The following PCDHGA4 variants were observed in gnomAD, a reference collection of about 807,000 sequenced individuals.
The protein encoded by PCDHGA4 is protocadherin gamma subfamily A, 4.
A neutral mutation model predicts 54.6 loss-of-function variants in PCDHGA4; 38 were observed. The observed-to-expected ratio is 0.70, with a 90% CI of 0.54 to 0.91. The LOEUF (loss-of-function observed/expected upper bound fraction) is 0.91. PCDHGA4 is among the 40% of genes least tolerant of loss of function. The probability of loss-of-function intolerance (pLI) is 0.00; values close to 1 mark genes in which losing one functional copy is unlikely to be tolerated. For synonymous variants in PCDHGA4, 511 were observed against 512.9 expected (o/e 1.00, Z 0.05); for missense variants, 1,298 against 1,220.9 (o/e 1.06, Z -0.94).
chr5:141,503,307 G>T (rs1042228003), intron 2 of PCDHGA4, among the ~76,000 whole-genome samples: 5 of 152,096 alleles, frequency 3.3e-5, no homozygotes, highest in African/African-American at 1.2e-4. Context: ...GCTCAAGAAA[G>T]AATTGTTGGA....
intron 1 of PCDHGA4, chr5:141,371,963 G>A: frequency 6.2e-7 from 1 of 1,613,264 alleles, no homozygotes; most frequent in Non-Finnish European, 8.5e-7. Context: ...TCGACCACGA[G>A]CAGCTGCGTG....
chr5:141,489,150 TAA>T lies in PCDHGA4; in HGVS notation c.2515-5656_2515-5655del. 1.2e-6 allele frequency: 1 copy of T among 862,654 alleles called. No homozygotes were observed. Among genetic ancestry groups the T allele is most frequent in the Non-Finnish European group, 1.7e-6 (1 of 575,074 alleles). The allele number at this position is 862,654 out of a possible 1,614,324, so 53.4% of individuals were successfully genotyped here. On this transcript the variant is annotated intron_variant, in intron 1 of 3. Coordinates refer to ENST00000571252, the MANE Select transcript of PCDHGA4 (RefSeq NM_018917.4). This position sits in a 1 kb window ranked among gnomAD's most constrained non-coding sequence, Gnocchi z 4.5. ...GTTTTTAAGAGGCTGGAAGGAGACA[TAA>T]GAGACTTCAGCTGCTGCATTCCAAG... is the stretch of plus-strand genomic sequence containing the variant.
At chr5:141,364,262 C>A (rs899975548) in intron 1 of PCDHGA4, 3 of 1,504,192 alleles carry the variant, frequency 2.0e-6, no homozygotes, top group Non-Finnish European at 2.7e-6. Context: ...ATGTACCCAT[C>A]GGCTTTAGAT....
In PCDHGA4 at chr5:141,357,302, C is replaced by T; in HGVS notation, c.2195C>T (p.Ser732Phe). 1 of 1,614,086 alleles carries T rather than the reference C, an allele frequency of 6.2e-7. No individual in the cohort carries two copies. Among genetic ancestry groups the T allele is most frequent in the Non-Finnish European group, 8.5e-7 (1 of 1,179,928 alleles). The change falls in exon 1 of 4, where the codon TCC becomes TTC. Residue 732 changes from serine (S) to phenylalanine (F), a missense_variant. Coordinates refer to ENST00000571252, the MANE Select transcript of PCDHGA4 (RefSeq NM_018917.4). ...LYLVVAVAAV[S>F]CVFLAFVTVL... ...CTCGTGGTGGCAGTGGCCGCTGTCT[C>T]CTGCGTCTTCCTGGCTTTTGTCACG...
intron 1 of PCDHGA4, chr5:141,361,515 C>A: frequency 6.2e-7 from 1 of 1,614,040 alleles, no homozygotes; most frequent in South Asian, 1.1e-5. Context: ...ACATGGTTCA[C>A]GTGGCAGAGA....
Position 141,389,835 on chromosome 5 carries a change from C to T in PCDHGA4, c.2514+32214C>T, listed in dbSNP as rs1238547778. 4.3e-6 allele frequency: 7 copies of T among 1,614,002 alleles called. No homozygotes were observed. The South Asian group carries it at 7.7e-5, about 18-fold the overall frequency. On this transcript the variant is annotated intron_variant, in intron 1 of 3. Transcript: ENST00000571252. ...CGCCGTGCGTGACGGTGGACAGCCA[C>T]CACTCTCGGCCACTGCCACGTTGCA...
At chr5:141,478,133 G>T (rs769287158) in intron 1 of PCDHGA4, 1 of 1,614,060 alleles carries the variant, frequency 6.2e-7, no homozygotes, top group Non-Finnish European at 8.5e-7. Flanking sequence ...CTCTCCTGAA[G>T]CCCGAGCCGA....
rs2099727742 is a variant in PCDHGA4 at position 141,491,740 on chromosome 5, G to C, written c.2515-3067G>C. On this transcript the variant is annotated intron_variant, in intron 1 of 3. Coordinates refer to ENST00000571252, the MANE Select transcript of PCDHGA4 (RefSeq NM_018917.4). The surrounding 1 kb of genome is among the most constrained non-coding windows in gnomAD (Gnocchi z 6.9). Reference sequence around the variant, plus strand: ...GCCGCCCCGGGCGACCCCTGGGGGCGGCACTGGAGAAGCCGCCCGTCCTCA... The same window carrying C: ...GCCGCCCCGGGCGACCCCTGGGGGCCGCACTGGAGAAGCCGCCCGTCCTCA... The C allele has an allele frequency of 6.3e-7, 1 of 1,597,622 alleles. No homozygotes were observed. The highest frequency in any genetic ancestry group is 8.5e-7 in the Non-Finnish European group (1 of 1,173,228).
chr5:141,368,727 T>C (rs1004938919), intron 1 of PCDHGA4, among the ~76,000 whole-genome samples: 9 of 152,250 alleles, frequency 5.9e-5, no homozygotes, highest in Non-Finnish European at 1.2e-4. Context: ...ATGTATGTAC[T>C]GTATATACCA....
intron 1 of PCDHGA4, chr5:141,400,547 C>T (rs534226736): frequency 2.5e-6 from 4 of 1,613,676 alleles, no homozygotes; most frequent in Non-Finnish European, 3.4e-6. Context: ...TATGTCTATT[C>T]TTTTTCATTA....
In PCDHGA4 at chr5:141,490,275, C is replaced by A; in HGVS notation, c.2515-4532C>A. 6.2e-7 allele frequency: 1 copy of A among 1,614,238 alleles called. No individual in the cohort carries two copies. The highest frequency in any genetic ancestry group is 8.5e-7 in the Non-Finnish European group (1 of 1,180,044). On this transcript the variant is annotated intron_variant, in intron 1 of 3. Transcript: ENST00000571252. The surrounding 1 kb of genome is among the most constrained non-coding windows in gnomAD (Gnocchi z 5.4). Reference sequence around the variant, plus strand: ...AAGTGGATGTGGGGGATGTCAATGACAATGCCCCAGAGGTGCTATTGGCCT... The same window carrying A: ...AAGTGGATGTGGGGGATGTCAATGAAAATGCCCCAGAGGTGCTATTGGCCT...
At chr5:141,415,023 C>G in intron 1 of PCDHGA4, 1 of 1,613,530 alleles carries the variant, frequency 6.2e-7, no homozygotes, top group Non-Finnish European at 8.5e-7. Context: ...TCAAGGCCAG[C>G]GAGCCGGGAC....
At position 141,490,551 on chromosome 5, in the gene PCDHGA4, T is replaced by C; in HGVS notation, c.2515-4256T>C. On this transcript the variant is annotated intron_variant, in intron 1 of 3. Coordinates refer to ENST00000571252, the MANE Select transcript of PCDHGA4 (RefSeq NM_018917.4). The surrounding 1 kb of genome is among the most constrained non-coding windows in gnomAD (Gnocchi z 5.4). ...CTGGTTCACCTTCCCTACACAAACA[T>C]CTCACCATCAGGCTCAACATTTCAG... 1 of 1,614,088 alleles carries C rather than the reference T, an allele frequency of 6.2e-7. No individual in the cohort carries two copies. The highest frequency in any genetic ancestry group is 1.1e-5 in the South Asian group (1 of 91,086).
At position 141,491,809 on chromosome 5, in the gene PCDHGA4, C is replaced by A. The variant is rs1421763758; in HGVS notation, c.2515-2998C>A. The A allele has an allele frequency of 6.7e-7, 1 of 1,487,044 alleles. No homozygotes were observed. The highest frequency in any genetic ancestry group is 1.4e-5 in the South Asian group (1 of 72,986). The allele number at this position is 1,487,044 out of a possible 1,614,324, so 92.1% of individuals were successfully genotyped here. On this transcript the variant is annotated intron_variant, in intron 1 of 3. Coordinates refer to ENST00000571252, the MANE Select transcript of PCDHGA4 (RefSeq NM_018917.4). This position sits in a 1 kb window ranked among gnomAD's most constrained non-coding sequence, Gnocchi z 6.9. Reference sequence around the variant, plus strand: ...TCCACTCCTCTCCGGCCGGCTTGGTCGCTGGCTGCGCTCCACCCGATTCTC... The same window carrying A: ...TCCACTCCTCTCCGGCCGGCTTGGTAGCTGGCTGCGCTCCACCCGATTCTC...
At chr5:141,492,070 G>T (rs1408035481) in intron 1 of PCDHGA4, 1 of 477,946 alleles carries the variant, frequency 2.1e-6, no homozygotes. Context: ...CCTCCTAGGC[G>T]CCGGCTCCGG....
chr5:141,423,636 C>A, intron 1 of PCDHGA4: 1 of 1,598,388 alleles, frequency 6.3e-7, no homozygotes, highest in Non-Finnish European at 8.5e-7. Context: ...TCATTTTAGG[C>A]AAATGTGACC....
At chr5:141,501,583 T>C (rs1270487304) in intron 2 of PCDHGA4, among the ~76,000 whole-genome samples, 1 of 152,054 alleles carries the variant, frequency 6.6e-6, no homozygotes, top group Non-Finnish European at 1.5e-5. Context: ...GGCTTTCAGG[T>C]TGCAACTCTA....
Position 141,357,095 on chromosome 5 carries a change from T to C in PCDHGA4, c.1988T>C (p.Leu663Pro), listed in dbSNP as rs1263482275. The change falls in exon 1 of 4, where the codon CTG becomes CCG. Residue 663 changes from leucine (L) to proline (P), a missense_variant. Leu to Pro is a moderately conservative substitution (Grantham distance 98, BLOSUM62 -3). Transcript: ENST00000571252. ...GGCGAGGTGCGCACCGCACGGGCCC[T>C]GCTGGACAGAGACGCGCTCAAGCAG... The part of the protein sequence containing the change: ...HTGEVRTARA[L>P]LDRDALKQRL... The C allele has an allele frequency of 2.5e-6, 4 of 1,613,868 alleles. No individual in the cohort carries two copies. The highest frequency in any genetic ancestry group is 3.3e-5 in the Admixed American group (2 of 60,032).
At position 141,415,772 on chromosome 5, in the gene PCDHGA4, T is replaced by A. The variant is rs540545854; in HGVS notation, c.2514+58151T>A. On this transcript the variant is annotated intron_variant, in intron 1 of 3. Coordinates refer to ENST00000571252, the MANE Select transcript of PCDHGA4 (RefSeq NM_018917.4). ...TTTTTTTTTTTTTTTTTTTTTTTTT[T>A]ACTTTCTGGTAAAATTCACCTAGTC... is the stretch of plus-strand genomic sequence containing the variant. 5,409 of 1,336,512 alleles carry A rather than the reference T, an allele frequency of 4.0e-3. 27 individuals carry two copies. The highest frequency in any genetic ancestry group is 7.3e-3 in the Admixed American group (200 of 27,462). 82.8% of individuals were successfully genotyped at this position (1,336,512 alleles called of 1,614,324 possible).
Sources: gnomAD v4.1 joint callset for allele counts (sites outside exome capture counted in the v4.1 genomes callset) on GRCh38, gnomAD v4.1.1 for gene constraint, Gnocchi (gnomAD v3.1) non-coding constraint, MANE v1.5 for transcripts, NCBI Gene and HGNC (gene_info 2026-07-23, HGNC 2026-07-21) for gene names.